CHODL: variants seen among roughly 807,000 people sequenced by gnomAD.
CHODL encodes transmembrane protein MT75.
In CHODL, 29 loss-of-function variants were observed where a neutral mutation model predicts 34.5. That is an observed-to-expected ratio of 0.84 (90% CI 0.63 to 1.15). CHODL has a LOEUF of 1.15. Ranked by LOEUF, CHODL falls within the 50% of genes most tolerant of loss-of-function variation. The pLI is 0.00. For synonymous variants in CHODL, 125 were observed against 116.1 expected (o/e 1.08, Z -0.49); for missense variants, 332 against 332.5 (o/e 1.00, Z 0.01).
intron 2 of CHODL, among the ~76,000 whole-genome samples, chr21:18,044,866 C>G (rs2064422531): frequency 6.6e-6 from 1 of 151,836 alleles, no homozygotes; most frequent in Non-Finnish European, 1.5e-5. Flanking sequence ...TTTATGTATT[C>G]AATAAATATG....
chr21:17,924,038 A>G (rs1447609663), intron 1 of CHODL, among the ~76,000 whole-genome samples: 4 of 151,888 alleles, frequency 2.6e-5, no homozygotes, highest in Non-Finnish European at 4.4e-5. Flanking sequence ...GGTCTCTTGG[A>G]GTTTGAGGGA....
intron 1 of CHODL, among the ~76,000 whole-genome samples, chr21:18,027,320 C>G (rs372216205): frequency 1.4e-4 from 21 of 152,048 alleles, no homozygotes; most frequent in East Asian, 1.2e-3. Context: ...CCAGAAATAA[C>G]ATGTCCTTTC....
chr21:17,991,846 A>G (rs970665831), intron 1 of CHODL, among the ~76,000 whole-genome samples: 1 of 151,992 alleles, frequency 6.6e-6, no homozygotes, highest in South Asian at 2.1e-4. Context: ...CCATTTGTTT[A>G]TTTGAAGTCA....
intron 2 of CHODL, among the ~76,000 whole-genome samples, chr21:18,209,215 C>T (rs1180365912): frequency 2.0e-5 from 3 of 152,130 alleles, no homozygotes; most frequent in African/African-American, 7.2e-5. Flanking sequence ...TACTGTGGCT[C>T]AGCTGGCACT....
intron 2 of CHODL, among the ~76,000 whole-genome samples, chr21:18,136,126 A>AG (rs1375407131): frequency 7.1e-6 from 1 of 141,098 alleles, no homozygotes; most frequent in Non-Finnish European, 1.6e-5. Flanking sequence ...AAAGAAAAAG[A>AG]AAAAAAAGAA....
intron 1 of CHODL, among the ~76,000 whole-genome samples, chr21:18,023,443 G>A (rs569028594): frequency 1.7e-3 from 261 of 152,208 alleles, no homozygotes; most frequent in Non-Finnish European, 2.5e-3. Flanking sequence ...TGGGAAAAGC[G>A]TGGGCCAGGG....
At chr21:18,096,252 TTG>T (rs1304385793) in intron 2 of CHODL, among the ~76,000 whole-genome samples, 1 of 152,142 alleles carries the variant, frequency 6.6e-6, no homozygotes, top group African/African-American at 2.4e-5. Context: ...CCTGTGATGA[TTG>T]TGTTATCTGT....
At chr21:18,177,429 T>TA (rs745976158) in intron 2 of CHODL, among the ~76,000 whole-genome samples, 3 of 152,290 alleles carry the variant, frequency 2.0e-5, no homozygotes, top group Non-Finnish European at 4.4e-5. Context: ...GCTTCTTTTA[T>TA]ATTTTTCTGT....
At chr21:17,917,932 T>C (rs1013322120) in intron 1 of CHODL, among the ~76,000 whole-genome samples, 2 of 151,600 alleles carry the variant, frequency 1.3e-5, no homozygotes, top group African/African-American at 4.8e-5. Flanking sequence ...GAAGCTAAAC[T>C]CTAAAGGAGG....
At chr21:18,169,265 A>G (rs903782267) in intron 2 of CHODL, among the ~76,000 whole-genome samples, 1 of 152,012 alleles carries the variant, frequency 6.6e-6, no homozygotes, top group Admixed American at 6.6e-5. Flanking sequence ...GTCTTTCTAG[A>G]ATATTGTCCA....
At chr21:18,146,914 CCTT>C (rs953857015) in intron 2 of CHODL, among the ~76,000 whole-genome samples, 2 of 152,170 alleles carry the variant, frequency 1.3e-5, no homozygotes, top group African/African-American at 4.8e-5. Flanking sequence ...GAAATGTCTA[CCTT>C]CTTCTCTCAT....
intron 1 of CHODL, among the ~76,000 whole-genome samples, chr21:18,019,561 C>T (rs1158545708): frequency 6.6e-6 from 1 of 151,870 alleles, no homozygotes; most frequent in East Asian, 1.9e-4. Context: ...CATTGTATGC[C>T]TGTATCAAAA....
chr21:18,076,452 T>C (rs1189839661), intron 2 of CHODL, among the ~76,000 whole-genome samples: 5 of 152,138 alleles, frequency 3.3e-5, no homozygotes, highest in African/African-American at 4.8e-5. Flanking sequence ...CTAAGCAAAA[T>C]GTTGAAGGTA....
intron 1 of CHODL, among the ~76,000 whole-genome samples, chr21:17,996,746 A>T (rs1210648048): frequency 6.6e-6 from 1 of 152,242 alleles, no homozygotes; most frequent in Non-Finnish European, 1.5e-5. Flanking sequence ...CAAAGACTGA[A>T]GTACTTCATG....
intron 2 of CHODL, among the ~76,000 whole-genome samples, chr21:18,159,202 G>A (rs968332933): frequency 6.6e-6 from 1 of 152,154 alleles, no homozygotes; most frequent in South Asian, 2.1e-4. Flanking sequence ...AAGGCCTCCC[G>A]CCAACAAAGA....
chr21:18,193,335 G>T (rs193013728), intron 2 of CHODL, among the ~76,000 whole-genome samples: 171 of 152,170 alleles, frequency 1.1e-3, no homozygotes, highest in African/African-American at 3.8e-3. Context: ...TTTGAGAAAG[G>T]CTGATCTAGG....
Position 17,929,147 on chromosome 21 carries a change from T to C in CHODL, c.-145+11747T>C, listed in dbSNP as rs571246227. Among the ~76,000 whole-genome samples, 3 of 152,320 alleles carry C rather than the reference T, an allele frequency of 2.0e-5. No individual in the cohort carries two copies. The East Asian group carries it at 5.8e-4, about 29-fold the overall frequency. On this transcript the variant is annotated intron_variant, in intron 1 of 6. Coordinates refer to the CHODL transcript ENST00000400127. ...AAATCCATTATAGAAACAATTTCTT[T>C]TTTTATCCTGAAATAAACATATATT...
chr21:18,082,686 G>A (rs2064956747), intron 2 of CHODL, among the ~76,000 whole-genome samples: 2 of 152,272 alleles, frequency 1.3e-5, no homozygotes, highest in Admixed American at 6.5e-5. Flanking sequence ...GAGACTGGTG[G>A]CATTTTGCTC....
At chr21:18,033,392 C>T (rs1342071182) in intron 2 of CHODL, among the ~76,000 whole-genome samples, 1 of 151,996 alleles carries the variant, frequency 6.6e-6, no homozygotes, top group Non-Finnish European at 1.5e-5. Flanking sequence ...ATGACATTAT[C>T]TGACATATAT....
Sources: allele counts gnomAD v4.1 joint callset (sites outside exome capture counted in the v4.1 genomes callset), GRCh38; gene constraint gnomAD v4.1.1; transcripts MANE v1.5; gene names NCBI Gene and HGNC (gene_info 2026-07-23, HGNC 2026-07-21).